The following MGA variants were observed in gnomAD, a reference collection of about 807,000 sequenced individuals.
The protein encoded by MGA is MAX dimerization protein MGA.
MGA carries 40 observed loss-of-function variants against 261.1 expected under a neutral mutation model. The observed-to-expected ratio is 0.15, with a 90% CI of 0.12 to 0.20. The LOEUF (loss-of-function observed/expected upper bound fraction) is 0.20, where lower values mean the gene tolerates loss of function less well. MGA is among the 10% of genes least tolerant of loss of function. MGA has a pLI of 1.00. For missense variants in MGA, 3,397 were observed against 3,630.5 expected (o/e 0.94, Z 1.65); for synonymous variants, 1,302 against 1,290.6 (o/e 1.01, Z -0.19).
At chr15:41,731,858 A>G (rs1421669411) in intron 11 of MGA, among the ~76,000 whole-genome samples, 1 of 152,174 alleles carries the variant, frequency 6.6e-6, no homozygotes, top group Non-Finnish European at 1.5e-5. Flanking sequence ...AAACACGAAT[A>G]AGGGTTTCTT....
intron 2 of MGA, among the ~76,000 whole-genome samples, chr15:41,694,856 G>A (rs1352664667): frequency 6.6e-6 from 1 of 151,992 alleles, no homozygotes; most frequent in Non-Finnish European, 1.5e-5. Context: ...CTGCAGCCTC[G>A]AACTCCTGGG....
intron 12 of MGA, 123 bp from the exon 13 acceptor site, chr15:41,736,057 AT>A (rs2061760939): frequency 1.1e-6 from 1 of 887,442 alleles, no homozygotes; most frequent in Non-Finnish European, 1.6e-6. Flanking sequence ...AAGTTGATAC[AT>A]TTTAAGTTAC....
At chr15:41,663,357 A>G (rs1485132035) in intron 1 of MGA, among the ~76,000 whole-genome samples, 3 of 152,186 alleles carry the variant, frequency 2.0e-5, no homozygotes, top group African/African-American at 7.2e-5. Context: ...TTTGAATGTT[A>G]AGGTATATAT....
chr15:41,764,939 C>A lies in MGA; in HGVS notation c.7798C>A (p.Pro2600Thr), dbSNP rs1424016240. Residue 2600 changes from proline (P) to threonine (T), a missense_variant, in exon 23 of 24, where the codon CCG becomes ACG. Coordinates refer to ENST00000219905, the MANE Select transcript of MGA (RefSeq NM_001164273.2). ...CACCTCTGCCAACCTTGTGATGACT[C>A]CGCAAGGGCAATTGCTCACCCTAAA... 6.2e-7 allele frequency: 1 copy of A among 1,613,946 alleles called. No homozygotes were observed. The highest frequency in any genetic ancestry group is 1.3e-5 in the African/African-American group (1 of 74,930).
chr15:41,754,634 C>T (rs1268928122), intron 18 of MGA, 67 bp downstream of exon 18: 22 of 1,461,338 alleles, frequency 1.5e-5, no homozygotes, highest in Non-Finnish European at 1.7e-5. Flanking sequence ...ATGAGATGTT[C>T]TGTTCAGGAG....
chr15:41,649,379 C>CAAAAAA (rs35806439), intron 1 of MGA, among the ~76,000 whole-genome samples: 1 of 136,178 alleles, frequency 7.3e-6, no homozygotes, highest in Non-Finnish European at 1.6e-5. Context: ...GAGACTGTCT[C>CAAAAAA]AAAAAAAAAA....
chr15:41,634,515 G>A (rs2056659534), intron 1 of MGA, among the ~76,000 whole-genome samples: 1 of 152,196 alleles, frequency 6.6e-6, no homozygotes, highest in African/African-American at 2.4e-5. Flanking sequence ...ATGTGTGTGT[G>A]TATGTATGTT....
At chr15:41,720,801 G>A (rs1460322751) in intron 9 of MGA, among the ~76,000 whole-genome samples, 3 of 151,962 alleles carry the variant, frequency 2.0e-5, no homozygotes, top group Non-Finnish European at 4.4e-5. Context: ...CTGTTGCACT[G>A]GACGACAAAG....
At chr15:41,626,793 C>T (rs894314483) in intron 1 of MGA, among the ~76,000 whole-genome samples, 4 of 152,058 alleles carry the variant, frequency 2.6e-5, no homozygotes, top group African/African-American at 4.8e-5. Flanking sequence ...TTTTCATATA[C>T]CTAGCTTCCC....
rs530575783 is a variant in MGA, at chr15:41,629,311, G to A, written c.-68+8013G>A. 9.0e-4 allele frequency among the ~76,000 whole-genome samples: 137 copies of A among 152,206 alleles called. 1 individual carries two copies. Among genetic ancestry groups the A allele is most frequent in the Middle Eastern group, 3.4e-3 (1 of 294 alleles). ...AAAGATGATTACAAGGCTTTTAGCTGGAGCCAGTGGTGCCATTTACAGAGA... is the reference window on the plus strand; with the variant it reads ...AAAGATGATTACAAGGCTTTTAGCTAGAGCCAGTGGTGCCATTTACAGAGA... On this transcript the variant is annotated intron_variant, in intron 1 of 8. Coordinates refer to the MGA transcript ENST00000566718.
chr15:41,733,494 G>A (rs2061615818), intron 11 of MGA, among the ~76,000 whole-genome samples: 1 of 152,184 alleles, frequency 6.6e-6, no homozygotes, highest in Non-Finnish European at 1.5e-5. Context: ...CCATGGTTCA[G>A]CTGATGGCTG....
chr15:41,755,876 G>A (rs915937716), intron 18 of MGA, among the ~76,000 whole-genome samples: 2 of 152,032 alleles, frequency 1.3e-5, no homozygotes, highest in Admixed American at 1.3e-4. Context: ...CAAATTAGCC[G>A]GGCTTGTTGG....
intron 12 of MGA, 67 bp downstream of exon 12, chr15:41,734,661 G>T: frequency 1.7e-6 from 2 of 1,198,788 alleles, no homozygotes; most frequent in Non-Finnish European, 2.3e-6. Flanking sequence ...AGTAATAATG[G>T]GAGAAAACCC....
At chr15:41,707,930 A>G in intron 6 of MGA, 71 bp downstream of exon 6, 6 of 1,537,366 alleles carry the variant, frequency 3.9e-6, no homozygotes, top group Non-Finnish European at 5.3e-6. Context: ...ACGTAAGTAA[A>G]AAGCTACCTT....
chr15:41,755,046 C>CTT, intron 18 of MGA, among the ~76,000 whole-genome samples: 1 of 152,164 alleles, frequency 6.6e-6, no homozygotes, highest in African/African-American at 2.4e-5. Flanking sequence ...ACTAGTTGAA[C>CTT]AGGTGAGATA....
intron 9 of MGA, among the ~76,000 whole-genome samples, chr15:41,715,306 C>T (rs1163183904): frequency 2.0e-5 from 3 of 151,768 alleles, no homozygotes; most frequent in African/African-American, 7.3e-5. Context: ...TGCACCACCA[C>T]ACCTGGCTAA....
intron 10 of MGA, 71 bp downstream of exon 10, chr15:41,727,477 AT>A: frequency 7.1e-7 from 1 of 1,399,844 alleles, no homozygotes; most frequent in Non-Finnish European, 9.8e-7. Flanking sequence ...TTTCAAGCAG[AT>A]TTTTGGTTGA....
chr15:41,712,507 T>C (rs935912007), intron 8 of MGA, among the ~76,000 whole-genome samples: 2 of 152,218 alleles, frequency 1.3e-5, no homozygotes, highest in African/African-American at 2.4e-5. Context: ...CATGAGCCAC[T>C]GCGCCTGGCC....
At chr15:41,728,888 A>G (rs185634007) in intron 10 of MGA, among the ~76,000 whole-genome samples, 19 of 152,356 alleles carry the variant, frequency 1.2e-4, no homozygotes, top group East Asian at 1.9e-4. Flanking sequence ...GTATCAGTCT[A>G]TGATGGACTG....
Sources: gnomAD v4.1 joint callset for allele counts (sites outside exome capture counted in the v4.1 genomes callset) on GRCh38, gnomAD v4.1.1 for gene constraint, MANE v1.5 for transcripts, NCBI Gene and HGNC (gene_info 2026-07-23, HGNC 2026-07-21) for gene names.